Variants in MCOLN3 observed in about 807,000 individuals in gnomAD.
The protein encoded by MCOLN3 is mucolipin-3.
In MCOLN3, 62 loss-of-function variants were observed where a neutral mutation model predicts 69.4. That is an observed-to-expected ratio of 0.89 (90% CI 0.73 to 1.10). The LOEUF (loss-of-function observed/expected upper bound fraction) is 1.10, where lower values mean the gene tolerates loss of function less well. Ranked by LOEUF, MCOLN3 falls within the 50% of genes least tolerant of loss-of-function variation. MCOLN3 has a pLI of 0.00. For synonymous variants in MCOLN3, 183 were observed against 217.0 expected, an observed-to-expected ratio of 0.84 and a Z score of 1.38; for missense variants, 564 against 656.4, an observed-to-expected ratio of 0.86 and a Z score of 1.54.
rs114292178 is a variant in MCOLN3, at chr1:85,039,219, T to C, written c.396+1791A>G. ...TTAGAAAACAGTAGGGAATCAACAG[T>C]AGGGAGTCATACATGGAATGTATGT... On this transcript the variant is annotated intron_variant, in intron 3 of 12. Transcript: ENST00000370589. 2.5e-3 allele frequency among the ~76,000 whole-genome samples: 378 copies of C among 152,202 alleles called. 4 individuals are homozygous for C. The highest frequency in any genetic ancestry group is 8.7e-3 in the African/African-American group (360 of 41,520).
chr1:85,045,399 T>G, intron 1 of MCOLN3, 37 bp from the exon 2 acceptor site: 1 of 1,496,384 alleles, frequency 6.7e-7, no homozygotes, highest in Non-Finnish European at 9.2e-7. Context: ...CAACCAACAT[T>G]TCCATTTAGT....
At chr1:85,024,641 G>T (rs1652123145) in intron 9 of MCOLN3, 1 of 152,094 alleles carries the variant, frequency 6.6e-6, no homozygotes, top group South Asian at 2.1e-4. Context: ...AAGAAAACAT[G>T]ATATGATCAT....
intron 7 of MCOLN3, among the ~76,000 whole-genome samples, chr1:85,027,304 T>C (rs999446713): frequency 6.6e-6 from 1 of 152,250 alleles, no homozygotes; most frequent in Non-Finnish European, 1.5e-5. Flanking sequence ...AGCACATTTC[T>C]TGCCAAACAT....
Position 85,028,857 on chromosome 1 carries a change from C to T in MCOLN3, c.832+249G>A, listed in dbSNP as rs147626090. On this transcript the variant is annotated intron_variant, in intron 7 of 12. Coordinates refer to ENST00000370589, the MANE Select transcript of MCOLN3 (RefSeq NM_018298.11). Reference sequence around the variant, plus strand: ...GAAGATGTATGTAGGGTTTTGGTGGCGGGGGACTGTGAGTACATTCTTGGT... The same window carrying T: ...GAAGATGTATGTAGGGTTTTGGTGGTGGGGGACTGTGAGTACATTCTTGGT... 2.5e-3 allele frequency among the ~76,000 whole-genome samples: 383 copies of T among 152,104 alleles called. 3 individuals carry two copies. The highest frequency in any genetic ancestry group is 0.02 in the Middle Eastern group (6 of 294).
At chr1:85,025,909 T>G in intron 9 of MCOLN3, 30 bp downstream of exon 9, 1 of 1,568,060 alleles carries the variant, frequency 6.4e-7, no homozygotes, top group Non-Finnish European at 8.6e-7. Context: ...AATCTGACAC[T>G]AACAATAGCA....
chr1:85,026,309 T>A, intron 7 of MCOLN3, 25 bp from the exon 8 acceptor site: 4 of 1,436,750 alleles, frequency 2.8e-6, no homozygotes, highest in Non-Finnish European at 3.9e-6. Context: ...GATTACATAG[T>A]GCTTATGTAG....
chr1:85,035,429 A>G (rs1652756517), intron 3 of MCOLN3, among the ~76,000 whole-genome samples: 1 of 152,196 alleles, frequency 6.6e-6, no homozygotes, highest in African/African-American at 2.4e-5. Flanking sequence ...CATGATGCCT[A>G]TGGTGTCTAA....
chr1:85,042,058 T>A (rs1653098429), intron 2 of MCOLN3, among the ~76,000 whole-genome samples: 1 of 151,812 alleles, frequency 6.6e-6, no homozygotes, highest in Non-Finnish European at 1.5e-5. Flanking sequence ...CTTACTTAAA[T>A]CCCAGAGTGA....
intron 7 of MCOLN3, among the ~76,000 whole-genome samples, chr1:85,027,573 C>T (rs999102368): frequency 6.6e-6 from 1 of 152,156 alleles, no homozygotes; most frequent in Non-Finnish European, 1.5e-5. Flanking sequence ...AGGTCCTACT[C>T]CAGACCCACT....
intron 3 of MCOLN3, 34 bp downstream of exon 3, chr1:85,040,976 T>A: frequency 6.2e-7 from 1 of 1,605,556 alleles, no homozygotes; most frequent in Non-Finnish European, 8.5e-7. Flanking sequence ...GTCTGTTCTT[T>A]TTCCCAAGTA....
chr1:85,034,104 C>G lies in MCOLN3; in HGVS notation c.544G>C (p.Glu182Gln). 2 of 1,614,162 alleles carry G rather than the reference C, an allele frequency of 1.2e-6. No individual in the cohort carries two copies. Among genetic ancestry groups the G allele is most frequent in the African/African-American group, 2.7e-5 (2 of 75,058 alleles). Residue 182 changes from glutamate (E) to glutamine (Q), a missense_variant, in exon 4 of 13, where the codon GAA (glutamate) becomes CAA (glutamine). Coordinates refer to ENST00000370589, the MANE Select transcript of MCOLN3 (RefSeq NM_018298.11). ...GGTTATAGAAGAACATCACCAGTTT[C>G]AATTTCTGGATCGATGTCAAAGGTA... ...NDTFDIDPEIETECFFVEPDE... is the reference protein window; with the variant it reads ...NDTFDIDPEIQTECFFVEPDE...
chr1:85,043,132 C>G (rs1297565337), intron 2 of MCOLN3, among the ~76,000 whole-genome samples: 1 of 152,156 alleles, frequency 6.6e-6, no homozygotes, highest in African/African-American at 2.4e-5. Flanking sequence ...CAGTTCTACT[C>G]TTCTAGTTTC....
chr1:85,022,253 CT>C (rs762883357), intron 10 of MCOLN3, 45 bp downstream of exon 10: 2 of 1,613,804 alleles, frequency 1.2e-6, no homozygotes, highest in Non-Finnish European at 1.7e-6. Context: ...AGTGCAATAA[CT>C]TTGAGAGAAA....
chr1:85,044,143 T>G (rs976048993), intron 2 of MCOLN3, among the ~76,000 whole-genome samples: 4 of 152,164 alleles, frequency 2.6e-5, no homozygotes, highest in Non-Finnish European at 4.4e-5. Flanking sequence ...AATGAAATAA[T>G]GTACTGGAAC....
chr1:85,031,293 G>A (rs989861395), intron 6 of MCOLN3, among the ~76,000 whole-genome samples: 2 of 150,740 alleles, frequency 1.3e-5, no homozygotes, highest in African/African-American at 4.9e-5. Flanking sequence ...AAAATACAGT[G>A]AGATGGGAGA....
intron 3 of MCOLN3, among the ~76,000 whole-genome samples, chr1:85,035,778 T>C (rs1374135473): frequency 6.6e-6 from 1 of 152,212 alleles, no homozygotes; most frequent in Non-Finnish European, 1.5e-5. Flanking sequence ...CACCTTAGTC[T>C]AGTCTCCATC....
chr1:85,027,113 A>AT (rs1344062973), intron 7 of MCOLN3, among the ~76,000 whole-genome samples: 12 of 152,324 alleles, frequency 7.9e-5, no homozygotes, highest in African/African-American at 2.9e-4. Context: ...TTTATTATGC[A>AT]TTCACTATGT....
rs776780973 is a variant in MCOLN3 at position 85,021,285 on chromosome 1, A to G, written c.1321-9T>C. 7.5e-6 allele frequency: 12 copies of G among 1,598,706 alleles called. No homozygotes were observed. Among genetic ancestry groups the G allele is most frequent in the African/African-American group, 4.1e-5 (3 of 74,028 alleles). On this transcript the variant is annotated splice_polypyrimidine_tract_variant and intron_variant, in intron 11 of 12. Transcript: ENST00000370589. Reference sequence around the variant, plus strand: ...ATGTTCAGAGAACGAAACTGGAAAAAGAAAAGAGAAAAGTTCACTTTATTC... The same window carrying G: ...ATGTTCAGAGAACGAAACTGGAAAAGGAAAAGAGAAAAGTTCACTTTATTC...
chr1:85,022,614 G>C (rs1652001974), intron 9 of MCOLN3: 2 of 408,826 alleles, frequency 4.9e-6, no homozygotes, highest in Non-Finnish European at 8.8e-6. Context: ...ACTTGCTGCT[G>C]ATAATTGCTG....
Sources: gnomAD v4.1 joint callset for allele counts (sites outside exome capture counted in the v4.1 genomes callset) on GRCh38, gnomAD v4.1.1 for gene constraint, MANE v1.5 for transcripts, NCBI Gene and HGNC (gene_info 2026-07-23, HGNC 2026-07-21) for gene names.